CPQ: variants seen among roughly 807,000 people sequenced by gnomAD.
CPQ encodes the protein carboxypeptidase Q, also known as Ser-Met dipeptidase.
A neutral mutation model predicts 45.7 loss-of-function variants in CPQ; 37 were observed. That is an observed-to-expected ratio of 0.81 (90% CI 0.62 to 1.07). The LOEUF (loss-of-function observed/expected upper bound fraction) is 1.07, where lower values mean the gene tolerates loss of function less well. CPQ is among the 50% of genes least tolerant of loss of function. The pLI, the probability that CPQ is intolerant of heterozygous loss-of-function variation, is 0.00. For synonymous variants in CPQ, 186 were observed against 205.8 expected (o/e 0.90, Z 0.82); for missense variants, 537 against 572.9 (o/e 0.94, Z 0.64).
rs1486111908 is a variant in CPQ, at chr8:97,044,742, A to G, written c.1053+15248A>G. On this transcript the variant is annotated intron_variant, in intron 6 of 7. Transcript: ENST00000220763. ...CTGCAGGTCTGTTGGAGTTTGCTAG[A>G]GGTCCACTCCCGACCCTGTTTGCCT... Among the ~76,000 whole-genome samples the G allele has an allele frequency of 2.6e-5, 4 of 152,310 alleles. No individual in the cohort carries two copies. In the East Asian group the frequency reaches 7.7e-4, roughly 29 times the overall value.
At chr8:96,743,694 G>T (rs902836725) in intron 1 of CPQ, among the ~76,000 whole-genome samples, 1 of 152,106 alleles carries the variant, frequency 6.6e-6, no homozygotes, top group Admixed American at 6.6e-5. Flanking sequence ...TCTTTCTAAC[G>T]GACAGGACCC....
chr8:96,650,299 A>T (rs1176918697), intron 1 of CPQ, among the ~76,000 whole-genome samples: 2 of 152,246 alleles, frequency 1.3e-5, no homozygotes, highest in Non-Finnish European at 2.9e-5. Flanking sequence ...GAATTTAAGG[A>T]ATTCTATGAC....
At chr8:97,018,694 T>A (rs1401750923) in intron 5 of CPQ, among the ~76,000 whole-genome samples, 1 of 151,946 alleles carries the variant, frequency 6.6e-6, no homozygotes, top group Non-Finnish European at 1.5e-5. Context: ...GAAAAAAGAA[T>A]AAGAAAATAT....
At chr8:96,993,784 T>C (rs969194949) in intron 5 of CPQ, among the ~76,000 whole-genome samples, 1 of 152,156 alleles carries the variant, frequency 6.6e-6, no homozygotes, top group Non-Finnish European at 1.5e-5. Flanking sequence ...TCAGGTATCA[T>C]AATTATGTAT....
intron 3 of CPQ, among the ~76,000 whole-genome samples, chr8:96,846,805 G>A (rs1811698069): frequency 6.6e-6 from 1 of 152,060 alleles, no homozygotes; most frequent in Admixed American, 6.6e-5. Context: ...CAGTAATGTT[G>A]TTGATCTTTT....
At chr8:96,765,605 G>A (rs1008164034) in intron 1 of CPQ, among the ~76,000 whole-genome samples, 6 of 152,064 alleles carry the variant, frequency 3.9e-5, no homozygotes, top group African/African-American at 9.7e-5. Context: ...GCATTTAAAT[G>A]TCCTATTTCA....
At chr8:96,895,396 T>A (rs1359841591) in intron 4 of CPQ, among the ~76,000 whole-genome samples, 3 of 152,188 alleles carry the variant, frequency 2.0e-5, no homozygotes, top group Admixed American at 6.6e-5. Flanking sequence ...TAGTTGTTGT[T>A]TAACATCAGG....
intron 3 of CPQ, among the ~76,000 whole-genome samples, chr8:96,875,702 A>G (rs1341596304): frequency 6.6e-6 from 1 of 151,870 alleles, no homozygotes; most frequent in Non-Finnish European, 1.5e-5. Context: ...CTATAGTTTT[A>G]TGGTAAGTTT....
intron 4 of CPQ, among the ~76,000 whole-genome samples, chr8:96,891,846 G>T (rs954426621): frequency 6.6e-6 from 1 of 152,180 alleles, no homozygotes; most frequent in Non-Finnish European, 1.5e-5. Flanking sequence ...TTCTATAGGG[G>T]CTCATTTGAG....
chr8:96,883,556 G>A (rs1586437604), intron 4 of CPQ, among the ~76,000 whole-genome samples: 1 of 152,134 alleles, frequency 6.6e-6, no homozygotes, highest in South Asian at 2.1e-4. Context: ...ATGAAAATGA[G>A]GACAGTAAAG....
chr8:96,723,768 C>T (rs1016274627), intron 1 of CPQ, among the ~76,000 whole-genome samples: 1 of 152,010 alleles, frequency 6.6e-6, no homozygotes, highest in Non-Finnish European at 1.5e-5. Context: ...AGCTGCAGGA[C>T]AACAACCAAC....
chr8:96,717,024 A>AATATATATATATATATATATAT (rs58338307), intron 1 of CPQ, among the ~76,000 whole-genome samples: 1 of 56,560 alleles, frequency 1.8e-5, no homozygotes, highest in Non-Finnish European at 3.0e-5. Flanking sequence ...CCATGATATA[A>AATATATATATATATATATATAT]ATATATATAT....
chr8:96,933,417 C>T (rs1813000007), intron 4 of CPQ, among the ~76,000 whole-genome samples: 1 of 152,182 alleles, frequency 6.6e-6, no homozygotes, highest in Non-Finnish European at 1.5e-5. Flanking sequence ...CCTGTATCAT[C>T]AGCAGTAGCT....
intron 1 of CPQ, among the ~76,000 whole-genome samples, chr8:96,674,003 G>A (rs1711715831): frequency 1.3e-5 from 2 of 151,980 alleles, no homozygotes; most frequent in Admixed American, 6.6e-5. Context: ...ATACTGTCTT[G>A]TAATAAAAAC....
intron 7 of CPQ, among the ~76,000 whole-genome samples, chr8:97,101,446 T>G (rs111550013): frequency 2.2e-4 from 34 of 151,708 alleles, no homozygotes; most frequent in African/African-American, 6.5e-4. Context: ...ATATATGATA[T>G]ACTATATATG....
At chr8:96,780,325 G>A (rs1424217609) in intron 1 of CPQ, among the ~76,000 whole-genome samples, 4 of 152,074 alleles carry the variant, frequency 2.6e-5, no homozygotes, top group Admixed American at 6.5e-5. Context: ...TGTAAGTGGA[G>A]GCATTTGCCA....
At chr8:97,041,609 T>A (rs1442121900) in intron 6 of CPQ, among the ~76,000 whole-genome samples, 1 of 152,190 alleles carries the variant, frequency 6.6e-6, no homozygotes, top group African/African-American at 2.4e-5. Flanking sequence ...CAGTATGATA[T>A]TGGCTGTGGG....
chr8:96,681,336 C>A (rs1468862958), intron 1 of CPQ, among the ~76,000 whole-genome samples: 1 of 152,162 alleles, frequency 6.6e-6, no homozygotes, highest in East Asian at 1.9e-4. Flanking sequence ...ACTTGGTACC[C>A]TGCATTTCAG....
chr8:97,020,096 A>G (rs1027455672), intron 5 of CPQ, among the ~76,000 whole-genome samples: 1 of 152,184 alleles, frequency 6.6e-6, no homozygotes. Context: ...AGGCAAATAC[A>G]TGGAAATTAA....
Sources: allele counts gnomAD v4.1 joint callset (sites outside exome capture counted in the v4.1 genomes callset), GRCh38; gene constraint gnomAD v4.1.1; transcripts MANE v1.5; gene names NCBI Gene and HGNC (gene_info 2026-07-23, HGNC 2026-07-21).